CLASP2: variants seen among roughly 807,000 people sequenced by gnomAD.
CLASP2 encodes the protein cytoplasmic linker associated protein 2, also known as CLIP-associating protein 2.
Under a neutral mutation model 194.4 loss-of-function variants are expected in CLASP2, and 47 were observed. The observed-to-expected ratio is 0.24, with a 90% CI of 0.19 to 0.31. The LOEUF (loss-of-function observed/expected upper bound fraction) is 0.31. CLASP2 is among the 10% of genes least tolerant of loss of function. The pLI is 1.00. For missense variants in CLASP2, 1,445 were observed against 1,823.6 expected (o/e 0.79, Z 3.78); for synonymous variants, 619 against 633.5 (o/e 0.98, Z 0.34).
intron 6 of CLASP2, among the ~76,000 whole-genome samples, chr3:33,676,821 A>G: frequency 6.6e-6 from 1 of 152,266 alleles, no homozygotes; most frequent in African/African-American, 2.4e-5. Flanking sequence ...AAGGGCTAAT[A>G]TCTAGAATCT....
chr3:33,674,681 G>T (rs981960362), intron 6 of CLASP2, among the ~76,000 whole-genome samples: 1 of 151,912 alleles, frequency 6.6e-6, no homozygotes, highest in Non-Finnish European at 1.5e-5. Flanking sequence ...AAATTGATAA[G>T]ACTGCTAGCA....
chr3:33,695,354 T>A (rs113989308), intron 2 of CLASP2, among the ~76,000 whole-genome samples: 2 of 149,394 alleles, frequency 1.3e-5, no homozygotes, highest in East Asian at 3.9e-4. Flanking sequence ...AGCCAGTGAG[T>A]CCATGGGCCT....
chr3:33,704,183 A>G (rs1194293113), intron 1 of CLASP2, among the ~76,000 whole-genome samples: 1 of 152,126 alleles, frequency 6.6e-6, no homozygotes, highest in Non-Finnish European at 1.5e-5. Flanking sequence ...AACCTATAGC[A>G]TGTACAACAC....
intron 26 of CLASP2, among the ~76,000 whole-genome samples, chr3:33,568,760 T>G (rs1374214752): frequency 6.6e-6 from 1 of 152,040 alleles, no homozygotes; most frequent in Non-Finnish European, 1.5e-5. Context: ...AAATAGTTGC[T>G]GAGTCTGATA....
chr3:33,653,249 C>T (rs1038617827), intron 7 of CLASP2, among the ~76,000 whole-genome samples: 5 of 152,112 alleles, frequency 3.3e-5, no homozygotes, highest in African/African-American at 1.2e-4. Context: ...ACCAACCCCA[C>T]TCTAATAAAT....
chr3:33,617,074 TC>T (rs2076319248), intron 12 of CLASP2, among the ~76,000 whole-genome samples: 1 of 149,732 alleles, frequency 6.7e-6, no homozygotes, highest in Non-Finnish European at 1.5e-5. Flanking sequence ...ATTAAGGTTG[TC>T]TACAATCTTA....
At chr3:33,511,375 G>T (rs1446504348) in intron 36 of CLASP2, among the ~76,000 whole-genome samples, 7 of 152,082 alleles carry the variant, frequency 4.6e-5, no homozygotes, top group African/African-American at 1.7e-4. Context: ...TGGTCTAGTT[G>T]TGTTAGTGTG....
chr3:33,501,432 C>T (rs1238035247), intron 38 of CLASP2, among the ~76,000 whole-genome samples: 1 of 152,094 alleles, frequency 6.6e-6, no homozygotes, highest in Non-Finnish European at 1.5e-5. Context: ...CAGAAACCTA[C>T]CCATCACCCC....
intron 18 of CLASP2, among the ~76,000 whole-genome samples, chr3:33,597,579 G>C (rs1264448891): frequency 6.6e-6 from 1 of 151,940 alleles, no homozygotes; most frequent in Non-Finnish European, 1.5e-5. Context: ...TGGGAGTCTG[G>C]GATTCTGGTA....
chr3:33,588,613 C>A (rs961140118), intron 21 of CLASP2: 2 of 670,898 alleles, frequency 3.0e-6, no homozygotes, highest in Non-Finnish European at 2.7e-6. Flanking sequence ...TAGACTATGA[C>A]GTTAAGAATT....
chr3:33,510,858 T>C, intron 36 of CLASP2, 94 bp from the exon 37 acceptor site: 1 of 1,147,348 alleles, frequency 8.7e-7, no homozygotes, highest in Non-Finnish European at 1.2e-6. Context: ...CAATATAATA[T>C]ATGGAATTTG....
At chr3:33,704,522 C>T (rs1237402860) in intron 1 of CLASP2, among the ~76,000 whole-genome samples, 11 of 152,090 alleles carry the variant, frequency 7.2e-5, no homozygotes, top group Non-Finnish European at 4.4e-5. Flanking sequence ...GAGGCCAAAG[C>T]GGGTGGATCA....
At chr3:33,544,529 G>A (rs2058855840) in intron 31 of CLASP2, among the ~76,000 whole-genome samples, 169 bp downstream of exon 31, 1 of 152,158 alleles carries the variant, frequency 6.6e-6, no homozygotes, top group Admixed American at 6.5e-5. Context: ...GACAGGAATA[G>A]GGACTCTGTT....
chr3:33,599,876 T>G (rs2071546097), intron 18 of CLASP2, among the ~76,000 whole-genome samples: 1 of 151,826 alleles, frequency 6.6e-6, no homozygotes, highest in African/African-American at 2.4e-5. Context: ...GGAACCTGGG[T>G]CAGATGAAGA....
At chr3:33,717,205 T>G (rs568714044) in intron 1 of CLASP2, among the ~76,000 whole-genome samples, 121 of 152,338 alleles carry the variant, frequency 7.9e-4, no homozygotes, top group African/African-American at 2.7e-3. Context: ...GGGTAGTGTT[T>G]ACACAGGTGA....
At chr3:33,634,522 C>T (rs560702269) in intron 8 of CLASP2, among the ~76,000 whole-genome samples, 12 of 152,298 alleles carry the variant, frequency 7.9e-5, no homozygotes, top group African/African-American at 2.9e-4. Context: ...TTCTCACACA[C>T]TGGTGTAGAC....
intron 21 of CLASP2, among the ~76,000 whole-genome samples, chr3:33,586,772 G>C (rs888567796): frequency 6.6e-6 from 1 of 152,124 alleles, no homozygotes; most frequent in African/African-American, 2.4e-5. Flanking sequence ...TACCCAGTAA[G>C]AGGGCTGTAT....
rs1288822774 is a variant in CLASP2 at position 33,573,589 on chromosome 3, T to G, written c.2455-235A>C. The G allele has an allele frequency of 9.2e-6, 5 of 542,726 alleles. No homozygotes were observed. The Admixed American group carries it at 1.6e-4, about 17-fold the overall frequency. 33.6% of individuals were successfully genotyped at this position (542,726 alleles called of 1,614,324 possible). On this transcript the variant is annotated intron_variant, in intron 24 of 38. Transcript: ENST00000682230. ...GGAAGTGGTAGAAGCAGAGTAAGACTATATGGAAGTTCAGATATGTAAAGT... is the reference window on the plus strand; with the variant it reads ...GGAAGTGGTAGAAGCAGAGTAAGACGATATGGAAGTTCAGATATGTAAAGT...
At chr3:33,641,967 T>C (rs896676368) in intron 8 of CLASP2, among the ~76,000 whole-genome samples, 9 of 151,940 alleles carry the variant, frequency 5.9e-5, no homozygotes, top group Non-Finnish European at 8.8e-5. Context: ...GGAAAGATAA[T>C]GTATAGTCCA....
Sources: gnomAD v4.1 joint callset for allele counts (sites outside exome capture counted in the v4.1 genomes callset) on GRCh38, gnomAD v4.1.1 for gene constraint, MANE v1.5 for transcripts, NCBI Gene and HGNC (gene_info 2026-07-23, HGNC 2026-07-21) for gene names.